Variants in FILIP1L observed in about 807,000 individuals in gnomAD.
FILIP1L encodes the protein filamin A interacting protein 1 like, also known as filamin A-interacting protein 1-like.
Under a neutral mutation model 96.6 loss-of-function variants are expected in FILIP1L, and 55 were observed. That is an observed-to-expected ratio of 0.57 (90% CI 0.46 to 0.71). The LOEUF (loss-of-function observed/expected upper bound fraction) is 0.71, where lower values mean the gene tolerates loss of function less well. Ranked by LOEUF, FILIP1L falls within the 30% of genes least tolerant of loss-of-function variation. The pLI, the probability that FILIP1L is intolerant of heterozygous loss-of-function variation, is 0.00. For synonymous variants in FILIP1L, 467 were observed against 473.9 expected, an observed-to-expected ratio of 0.99 and a Z score of 0.19; for missense variants, 1,304 against 1,321.2, an observed-to-expected ratio of 0.99 and a Z score of 0.20.
chr3:99,885,672 T>A (rs1271201592), intron 4 of FILIP1L, among the ~76,000 whole-genome samples: 1 of 152,232 alleles, frequency 6.6e-6, no homozygotes, highest in Admixed American at 6.5e-5. Flanking sequence ...TTTGTCTATA[T>A]ATCTCTGTCA....
intron 1 of FILIP1L, among the ~76,000 whole-genome samples, chr3:100,012,957 G>A (rs748643499): frequency 1.2e-3 from 177 of 151,828 alleles, no homozygotes; most frequent in Non-Finnish European, 2.0e-3. Context: ...TTTTATGTAT[G>A]TATGTATTTA....
At chr3:100,066,029 A>T (rs1192971218) in intron 1 of FILIP1L, among the ~76,000 whole-genome samples, 2 of 152,226 alleles carry the variant, frequency 1.3e-5, no homozygotes, top group African/African-American at 4.8e-5. Flanking sequence ...AGATTATTCT[A>T]ATGCACATTA....
chr3:99,830,402 C>T lies in FILIP1L; in HGVS notation c.*12G>A. On this transcript the variant is annotated 3_prime_UTR_variant, in exon 6 of 6. Coordinates refer to ENST00000477258, the MANE Select transcript of FILIP1L (RefSeq NM_001387850.1). ...TGTAGATGAATGTATCCAGGCAGTG[C>T]ATTGGTATGAGTTACCTTCTCCCTC... 4.7e-6 allele frequency: 2 copies of T among 424,952 alleles called. No individual in the cohort carries two copies. Among genetic ancestry groups the T allele is most frequent in the Non-Finnish European group, 9.5e-6 (2 of 209,762 alleles). The allele number at this position is 424,952 out of a possible 1,614,324, so 26.3% of individuals were successfully genotyped here. A position where few individuals can be genotyped will look rare whatever the true frequency, so the allele number is the denominator to read the frequency against.
intron 1 of FILIP1L, among the ~76,000 whole-genome samples, chr3:100,020,384 C>A (rs1050120724): frequency 6.6e-6 from 1 of 152,184 alleles, no homozygotes. Context: ...AAAATCTGTA[C>A]ATGTTTGCAC....
At chr3:100,022,707 C>A (rs1220904135) in intron 1 of FILIP1L, among the ~76,000 whole-genome samples, 1 of 152,152 alleles carries the variant, frequency 6.6e-6, no homozygotes, top group Non-Finnish European at 1.5e-5. Flanking sequence ...ACCTAAGGTT[C>A]TTTTTCTTCA....
intron 4 of FILIP1L, among the ~76,000 whole-genome samples, chr3:99,894,709 C>G (rs890788850): frequency 8.5e-5 from 13 of 152,160 alleles, no homozygotes; most frequent in African/African-American, 3.1e-4. Flanking sequence ...GATTCCCAGA[C>G]TAGCACAAGG....
At chr3:99,892,019 C>T (rs1234420347) in intron 4 of FILIP1L, among the ~76,000 whole-genome samples, 3 of 152,116 alleles carry the variant, frequency 2.0e-5, no homozygotes, top group Non-Finnish European at 2.9e-5. Context: ...GTTGTTACTT[C>T]TTAGTTCAGG....
At chr3:99,954,207 G>A (rs1055972060) in intron 1 of FILIP1L, among the ~76,000 whole-genome samples, 3 of 152,238 alleles carry the variant, frequency 2.0e-5, no homozygotes, top group Non-Finnish European at 2.9e-5. Context: ...TGAAGTCCAT[G>A]CCCAACATCA....
intron 1 of FILIP1L, among the ~76,000 whole-genome samples, chr3:100,109,313 T>C (rs2066448557): frequency 6.6e-6 from 1 of 152,142 alleles, no homozygotes; most frequent in East Asian, 1.9e-4. Context: ...TCTCTCAATA[T>C]AGAGCCACAC....
chr3:99,982,872 A>G (rs1363190824), intron 1 of FILIP1L, among the ~76,000 whole-genome samples: 1 of 152,222 alleles, frequency 6.6e-6, no homozygotes, highest in Admixed American at 6.5e-5. Context: ...ATAAATTCAT[A>G]TAATGTAGGC....
chr3:100,014,895 C>CTTTTTTTT (rs1233573719), intron 1 of FILIP1L, among the ~76,000 whole-genome samples: 40 of 25,008 alleles, frequency 1.6e-3, no homozygotes, highest in Non-Finnish European at 2.0e-3. Flanking sequence ...TTCTTTCTTT[C>CTTTTTTTT]TTTTTTTTTT....
rs1437105025 is a variant in FILIP1L, at chr3:99,924,406, C to G, written c.429G>C (p.Leu143Phe). The G allele has an allele frequency of 1.2e-6, 2 of 1,613,680 alleles. No homozygotes were observed. Among genetic ancestry groups the G allele is most frequent in the South Asian group, 2.2e-5 (2 of 90,966 alleles). Residue 143 changes from leucine to phenylalanine, a missense_variant and splice_region_variant, in exon 4 of 6, where the codon TTG (leucine) becomes TTC (phenylalanine). Physicochemically the swap from Leu to Phe is conservative, Grantham distance 22 (BLOSUM62 0). Transcript: ENST00000477258. ...CTTTATGTTTTTCCACAACTTTGTC[C>G]AACTACGAAAGAAAACATTTATAGC... ...EDIYEKPMNE[L>F]DKVVEKHKES...
chr3:99,869,369 A>G (rs1486874138), intron 4 of FILIP1L, among the ~76,000 whole-genome samples: 1 of 152,166 alleles, frequency 6.6e-6, no homozygotes, highest in African/African-American at 2.4e-5. Context: ...TGGCAAAGTT[A>G]CTCTCACTTT....
At position 99,830,498 on chromosome 3, in the gene FILIP1L, A is replaced by G. The variant is rs1213948371; in HGVS notation, c.3489T>C (p.Pro1163=). 2.2e-6 allele frequency: 1 copy of G among 456,698 alleles called. No individual in the cohort carries two copies. The highest frequency in any genetic ancestry group is 2.3e-5 in the Admixed American group (1 of 42,580). 28.3% of individuals were successfully genotyped at this position (456,698 alleles called of 1,614,324 possible). The change falls in exon 6 of 6, where the codon CCT becomes CCC. Residue 1163 remains proline (P), a synonymous_variant. Transcript: ENST00000477258. ...TKAPTVPMDK[P]IYQNGCGKLH... ...GCTTCCCACAGCCATTTTGGTAAATAGGCTTATCCATAGGCACTGTGGGGG... is the reference window on the plus strand; with the variant it reads ...GCTTCCCACAGCCATTTTGGTAAATGGGCTTATCCATAGGCACTGTGGGGG...
intron 1 of FILIP1L, among the ~76,000 whole-genome samples, chr3:100,011,410 CTTAATAA>C (rs1419381619): frequency 2.0e-5 from 3 of 152,098 alleles, no homozygotes; most frequent in Non-Finnish European, 4.4e-5. Context: ...TAGAGACTAA[CTTAATAA>C]AAAGATATAA....
intron 4 of FILIP1L, among the ~76,000 whole-genome samples, chr3:99,853,855 A>T (rs1943827807): frequency 6.6e-6 from 1 of 152,206 alleles, no homozygotes. Context: ...ACAAGAATTT[A>T]TATGCAGAAA....
intron 3 of FILIP1L, 89 bp downstream of exon 3, chr3:99,929,767 A>C: frequency 2.2e-6 from 2 of 929,680 alleles, no homozygotes; most frequent in Non-Finnish European, 3.1e-6. Flanking sequence ...TAAAACTGTA[A>C]GGAATCAAAG....
chr3:99,956,332 C>T (rs1197208472), intron 1 of FILIP1L, among the ~76,000 whole-genome samples: 3 of 152,086 alleles, frequency 2.0e-5, no homozygotes, highest in African/African-American at 4.8e-5. Flanking sequence ...TCTTGGTTTC[C>T]GATTCTGTCC....
chr3:100,086,582 C>CA (rs2066013195), intron 1 of FILIP1L, among the ~76,000 whole-genome samples: 2 of 152,124 alleles, frequency 1.3e-5, no homozygotes, highest in Non-Finnish European at 2.9e-5. Context: ...GTATTTATTA[C>CA]CCACCAGGCT....
Sources: allele counts gnomAD v4.1 joint callset (sites outside exome capture counted in the v4.1 genomes callset), GRCh38; gene constraint gnomAD v4.1.1; transcripts MANE v1.5; gene names NCBI Gene and HGNC (gene_info 2026-07-23, HGNC 2026-07-21).